The following ISM1 variants were observed in gnomAD, a reference collection of about 807,000 sequenced individuals.
The protein encoded by ISM1 is isthmin 1, also known as isthmin-1.
In ISM1, 25 loss-of-function variants were observed where a neutral mutation model predicts 46.3. That is an observed-to-expected ratio of 0.54 (90% confidence interval 0.39 to 0.75). The LOEUF (loss-of-function observed/expected upper bound fraction) is 0.75, where lower values mean the gene tolerates loss of function less well. Among genes scored for constraint, ISM1 ranks in the 30% least tolerant of loss-of-function variants. ISM1 has a pLI of 0.00. For missense variants in ISM1, 536 were observed against 625.4 expected, an observed-to-expected ratio of 0.86 and a Z score of 1.52; for synonymous variants, 255 against 256.7, an observed-to-expected ratio of 0.99 and a Z score of 0.06.
At chr20:13,313,336 T>A in the ISM1 span, among the ~76,000 whole-genome samples, 1 of 152,234 alleles carries the variant, frequency 6.6e-6, no homozygotes, top group East Asian at 1.9e-4. Flanking sequence ...TAGTGAAGTG[T>A]AACCTAACTG....
chr20:13,275,645 T>C (rs4814212), intron 2 of ISM1, among the ~76,000 whole-genome samples: 13,358 of 152,246 alleles, frequency 0.088, 642 homozygotes, highest in East Asian at 0.21. Context: ...AGCAGCTATG[T>C]AGTATAATAC....
intron 1 of ISM1, 114 bp from the exon 2 acceptor site, chr20:13,270,390 G>A: frequency 8.2e-7 from 1 of 1,220,192 alleles, no homozygotes; most frequent in South Asian, 1.5e-5. Flanking sequence ...TGCCCTACTG[G>A]CTTAATTTCA....
downstream of ISM1, among the ~76,000 whole-genome samples, chr20:13,303,223 C>G (rs1184436444): frequency 6.6e-6 from 1 of 152,208 alleles, no homozygotes; most frequent in Non-Finnish European, 1.5e-5. Flanking sequence ...CCTGTGCTCT[C>G]CTCTCCTCCT....
rs201769447 is a variant in ISM1, at chr20:13,230,746, G to GA, written c.138+8841dup. On this transcript the variant is annotated intron_variant, in intron 1 of 5. Coordinates refer to ENST00000262487, the MANE Select transcript of ISM1 (RefSeq NM_080826.2). ...ACAAACAGCAAGGGAATGTGTTGTA[G>GA]AAAAAAAAAGAAAAGAAAAGAAAAA... Among the ~76,000 whole-genome samples, 608 of 125,300 alleles carry GA rather than the reference G, an allele frequency of 4.9e-3. 5 individuals are homozygous for GA. The highest frequency in any genetic ancestry group is 0.017 in the Middle Eastern group (4 of 236). The allele number at this position is 125,300 out of a possible 152,430, so 82.2% of individuals were successfully genotyped here.
chr20:13,226,869 T>C (rs2039531922), intron 1 of ISM1, among the ~76,000 whole-genome samples: 1 of 152,210 alleles, frequency 6.6e-6, no homozygotes, highest in South Asian at 2.1e-4. Flanking sequence ...GGACAAGAAA[T>C]AGTTTCCACT....
At chr20:13,250,680 A>T (rs141597602) in intron 1 of ISM1, among the ~76,000 whole-genome samples, 1 of 152,362 alleles carries the variant, frequency 6.6e-6, no homozygotes, top group African/African-American at 2.4e-5. Context: ...TGTAAGCTCC[A>T]TGAGGGTAAG....
At position 13,299,602 on chromosome 20, in the gene ISM1, G is replaced by A. The variant is rs966646452; in HGVS notation, c.*143G>A. On this transcript the variant is annotated 3_prime_UTR_variant, in exon 6 of 6. Coordinates refer to ENST00000262487, the MANE Select transcript of ISM1 (RefSeq NM_080826.2). This position sits in a 1 kb window ranked among gnomAD's most constrained non-coding sequence, Gnocchi z 5.8. The stretch of plus-strand genomic sequence containing the variant: ...CACATGAGTATTTCTCATACATTAC[G>A]CTAGGGGCGTGTGCCACGCCCAGGG... 1.8e-5 allele frequency: 15 copies of A among 825,494 alleles called. No homozygotes were observed. Among genetic ancestry groups the A allele is most frequent in the African/African-American group, 1.0e-4 (6 of 58,592 alleles). 51.1% of individuals were successfully genotyped at this position (825,494 alleles called of 1,614,324 possible).
At chr20:13,294,056 C>A (rs1353020995) in intron 5 of ISM1, among the ~76,000 whole-genome samples, 1 of 152,002 alleles carries the variant, frequency 6.6e-6, no homozygotes, top group Non-Finnish European at 1.5e-5. Flanking sequence ...GGGTCTGTGA[C>A]AAAATGAAAA....
chr20:13,268,699 G>A (rs1041013192), intron 1 of ISM1, among the ~76,000 whole-genome samples: 1 of 152,140 alleles, frequency 6.6e-6, no homozygotes, highest in African/African-American at 2.4e-5. Context: ...TTCAGAGGCG[G>A]TCTCTGAACC....
At chr20:13,262,839 G>GC (rs1247599939) in intron 1 of ISM1, among the ~76,000 whole-genome samples, 2 of 152,170 alleles carry the variant, frequency 1.3e-5, no homozygotes, top group East Asian at 3.9e-4. Flanking sequence ...GCAAAGAGTT[G>GC]CCCATTCTTC....
At position 13,270,527 on chromosome 20, in the gene ISM1, C is replaced by T. The variant is rs2040100440; in HGVS notation, c.162C>T (p.Asp54=). ...AGAATAACCTCAACGTGGGAAGTGA[C>T]ACCACATCAGAAACCAGCTTTTCTC... ...QLQNNLNVGS[D]TTSETSFSLS... Residue 54 remains aspartate (D), a synonymous_variant, in exon 2 of 6, where the codon GAC becomes GAT. Transcript: ENST00000262487. The T allele has an allele frequency of 1.9e-6, 3 of 1,613,482 alleles. No individual in the cohort carries two copies. Among genetic ancestry groups the T allele is most frequent in the Middle Eastern group, 1.6e-4 (1 of 6,062 alleles).
the ISM1 span, among the ~76,000 whole-genome samples, chr20:13,306,564 C>CAAAAAAAAAAAGAAAAAAAG: frequency 1.6e-5 from 1 of 63,914 alleles, no homozygotes; most frequent in Non-Finnish European, 2.6e-5. Context: ...GGAGAAAGGA[C>CAAAAAAAAAAAGAAAAAAAG]AAAAAAAAAA....
At chr20:13,272,269 A>T (rs1482357234) in intron 2 of ISM1, among the ~76,000 whole-genome samples, 1 of 152,212 alleles carries the variant, frequency 6.6e-6, no homozygotes, top group African/African-American at 2.4e-5. Flanking sequence ...ATACGGTTTT[A>T]GATCAGGTTT....
At chr20:13,324,271 G>C in the ISM1 span, among the ~76,000 whole-genome samples, 1 of 152,214 alleles carries the variant, frequency 6.6e-6, no homozygotes, top group African/African-American at 2.4e-5. Flanking sequence ...AACAGAAGAT[G>C]ACAGCAAGGA....
chr20:13,248,817 G>A (rs1001262305), intron 1 of ISM1, among the ~76,000 whole-genome samples: 1 of 152,118 alleles, frequency 6.6e-6, no homozygotes, highest in Non-Finnish European at 1.5e-5. Flanking sequence ...GGAAGCCAGT[G>A]GAATAAATAT....
At chr20:13,265,082 T>G (rs1225098678) in intron 1 of ISM1, among the ~76,000 whole-genome samples, 1 of 152,200 alleles carries the variant, frequency 6.6e-6, no homozygotes, top group Non-Finnish European at 1.5e-5. Context: ...TGTTATTTCA[T>G]ATGAAAACAG....
chr20:13,223,188 A>AAAATAAAATAAAATAAAAT (rs371091090), intron 1 of ISM1, among the ~76,000 whole-genome samples: 1 of 147,184 alleles, frequency 6.8e-6, no homozygotes, highest in African/African-American at 2.6e-5. Context: ...AAAATAAAAT[A>AAAATAAAATAAAATAAAAT]AAATAAATAA....
chr20:13,318,346 A>G, the ISM1 span, among the ~76,000 whole-genome samples: 1 of 152,180 alleles, frequency 6.6e-6, no homozygotes, highest in Non-Finnish European at 1.5e-5. Flanking sequence ...AAGGATGTGG[A>G]GCAACAGGAA....
intron 1 of ISM1, among the ~76,000 whole-genome samples, chr20:13,252,046 G>A (rs772033535): frequency 7.9e-5 from 12 of 152,206 alleles, no homozygotes; most frequent in Admixed American, 2.0e-4. Flanking sequence ...GAGCTTTCCA[G>A]TTGGGGGCTG....
Sources: allele counts gnomAD v4.1 joint callset (sites outside exome capture counted in the v4.1 genomes callset), GRCh38; gene constraint gnomAD v4.1.1; non-coding constraint Gnocchi (gnomAD v3.1); transcripts MANE v1.5; gene names NCBI Gene and HGNC (gene_info 2026-07-23, HGNC 2026-07-21).